Variants in PCDHGA1 observed in about 807,000 individuals in gnomAD.
The protein encoded by PCDHGA1 is protocadherin gamma-A1.
A neutral mutation model predicts 58.0 loss-of-function variants in PCDHGA1; 32 were observed. The observed-to-expected ratio is 0.55, with a 90% confidence interval of 0.42 to 0.74. The LOEUF is 0.74. Among genes scored for constraint, PCDHGA1 ranks in the 30% least tolerant of loss-of-function variants. The probability of loss-of-function intolerance (pLI) is 0.00; values close to 1 mark genes in which losing one functional copy is unlikely to be tolerated. For missense variants in PCDHGA1, 1,205 were observed against 1,182.3 expected (o/e 1.02, Z -0.28); for synonymous variants, 498 against 501.1 (o/e 0.99, Z 0.08).
intron 1 of PCDHGA1, chr5:141,383,043 C>G: frequency 9.3e-6 from 15 of 1,613,860 alleles, no homozygotes; most frequent in Non-Finnish European, 1.3e-5. Context: ...TGGGAGACAT[C>G]GCCAAGGACC....
At chr5:141,365,777 G>T (rs543335678) in intron 1 of PCDHGA1, 1 of 1,613,854 alleles carries the variant, frequency 6.2e-7, no homozygotes, top group South Asian at 1.1e-5. Context: ...CGACAGCGGC[G>T]ACAACGCTCG....
intron 1 of PCDHGA1, among the ~76,000 whole-genome samples, chr5:141,459,546 C>T (rs575349914): frequency 9.9e-5 from 15 of 152,102 alleles, no homozygotes; most frequent in African/African-American, 3.6e-4. Flanking sequence ...TTTTTTATTT[C>T]TCTTGGATAA....
chr5:141,421,901 G>C (rs754277661), intron 1 of PCDHGA1: 1 of 1,613,724 alleles, frequency 6.2e-7, no homozygotes, highest in East Asian at 2.2e-5. Flanking sequence ...ATCCGAAAGG[G>C]CGCAGTTCCC....
intron 1 of PCDHGA1, chr5:141,408,124 G>A: frequency 1.4e-6 from 2 of 1,478,862 alleles, no homozygotes; most frequent in Non-Finnish European, 1.8e-6. Context: ...CCTGTCCTGG[G>A]CCGAATGCTC....
chr5:141,491,937 AC>A lies in PCDHGA1; in HGVS notation c.2422-2865del. ...CTGTGGGCGAGGGGAGGTGGGACCG[AC>A]CCCCACCCCTACACTCAAAAAAGGC... On this transcript the variant is annotated intron_variant, in intron 1 of 3. Transcript: ENST00000517417. This position sits in a 1 kb window ranked among gnomAD's most constrained non-coding sequence, Gnocchi z 6.9. The A allele has an allele frequency of 3.4e-6, 4 of 1,164,304 alleles. No homozygotes were observed. Among genetic ancestry groups the A allele is most frequent in the Non-Finnish European group, 4.7e-6 (4 of 858,404 alleles). The allele number at this position is 1,164,304 out of a possible 1,614,324, so 72.1% of individuals were successfully genotyped here.
intron 1 of PCDHGA1, chr5:141,357,697 T>C (rs1433075291): frequency 2.0e-6 from 3 of 1,523,702 alleles, no homozygotes; most frequent in East Asian, 2.3e-5. Context: ...TCATTTTATA[T>C]GTAATATATC....
At chr5:141,394,250 C>T (rs749533197) in intron 1 of PCDHGA1, 15 of 1,613,784 alleles carry the variant, frequency 9.3e-6, no homozygotes, top group Non-Finnish European at 1.0e-5. Flanking sequence ...CACACGACCC[C>T]GACAGCCAGG....
At chr5:141,470,825 C>G (rs557419577) in intron 1 of PCDHGA1, among the ~76,000 whole-genome samples, 24 of 152,182 alleles carry the variant, frequency 1.6e-4, no homozygotes, top group African/African-American at 4.1e-4. Context: ...GTAGTTAGGA[C>G]GACAAACACA....
chr5:141,364,087 G>A lies in PCDHGA1; in HGVS notation c.2421+30982G>A, dbSNP rs927975362. ...ACTAAACTTAGGAGAAATAAAAATGGAATTTGATGCAGTCACTGGTTAGGA... is the reference window on the plus strand; with the variant it reads ...ACTAAACTTAGGAGAAATAAAAATGAAATTTGATGCAGTCACTGGTTAGGA... On this transcript the variant is annotated intron_variant, in intron 1 of 3. Transcript: ENST00000517417. The A allele has an allele frequency of 1.3e-5, 5 of 387,758 alleles. No individual in the cohort carries two copies. The East Asian group carries it at 1.5e-4, about 12-fold the overall frequency. The allele number at this position is 387,758 out of a possible 1,614,324, so 24.0% of individuals were successfully genotyped here. A position where few individuals can be genotyped will look rare whatever the true frequency, so the allele number is the denominator to read the frequency against.
intron 1 of PCDHGA1, among the ~76,000 whole-genome samples, chr5:141,369,915 A>G (rs1429162797): frequency 6.6e-6 from 1 of 152,226 alleles, no homozygotes; most frequent in African/African-American, 2.4e-5. Flanking sequence ...TGAAAATGGA[A>G]ACTAAAAACG....
chr5:141,332,046 G>A lies in PCDHGA1; in HGVS notation c.1362G>A (p.Gln454=), dbSNP rs1756386451. 1 of 1,613,958 alleles carries A rather than the reference G, an allele frequency of 6.2e-7. No individual in the cohort carries two copies. The highest frequency in any genetic ancestry group is 1.7e-5 in the Admixed American group (1 of 59,996). The change falls in exon 1 of 4, where the codon CAG becomes CAA. Residue 454 remains glutamine, a synonymous_variant. Transcript: ENST00000517417. The surrounding 1 kb of genome is among the most constrained non-coding windows in gnomAD (Gnocchi z 4.6). ...ATGACAACTCCCCAGTCTTCCATCA[G>A]GACTCCTACTCTGCCTACATTCCCG... ...DINDNSPVFH[Q]DSYSAYIPEN...
Position 141,477,068 on chromosome 5 carries a change from C to G in PCDHGA1, c.2422-17739C>G. The G allele has an allele frequency of 6.2e-7, 1 of 1,614,268 alleles. No individual in the cohort carries two copies. Among genetic ancestry groups the G allele is most frequent in the Non-Finnish European group, 8.5e-7 (1 of 1,180,046 alleles). On this transcript the variant is annotated intron_variant, in intron 1 of 3. Coordinates refer to ENST00000517417, the MANE Select transcript of PCDHGA1 (RefSeq NM_018912.3). This position sits in a 1 kb window ranked among gnomAD's most constrained non-coding sequence, Gnocchi z 4.9. ...GCTGGACTTCGAGGACACCAAACTC[C>G]ATGAGATTTACATCCAGGCCAAAGA...
chr5:141,356,912 G>A, intron 1 of PCDHGA1: 1 of 1,614,130 alleles, frequency 6.2e-7, no homozygotes, highest in Non-Finnish European at 8.5e-7. Flanking sequence ...CCTACTGATG[G>A]CTCCACTGGT....
Position 141,332,919 on chromosome 5 carries a change from G to C in PCDHGA1, c.2235G>C (p.Gly745=). The change falls in exon 1 of 4, where the codon GGG becomes GGC. Residue 745 remains glycine (G), a synonymous_variant. Transcript: ENST00000517417. This position sits in a 1 kb window ranked among gnomAD's most constrained non-coding sequence, Gnocchi z 4.6. ...GTTCGCACTTTGTGGGCGTGGACGG[G>C]GTTCGGGCTTTCCTGCAGACCTATT... ...MPGSHFVGVD[G]VRAFLQTYSH... 6.2e-7 allele frequency: 1 copy of C among 1,614,218 alleles called. No individual in the cohort carries two copies. The highest frequency in any genetic ancestry group is 8.5e-7 in the Non-Finnish European group (1 of 1,180,032).
chr5:141,399,202 G>T, intron 1 of PCDHGA1: 1 of 1,613,914 alleles, frequency 6.2e-7, no homozygotes, highest in Non-Finnish European at 8.5e-7. Context: ...CGCGGTGCCT[G>T]GAACACTAAT....
chr5:141,371,060 A>ATC (rs751376669), intron 1 of PCDHGA1: 2 of 1,613,980 alleles, frequency 1.2e-6, no homozygotes, highest in South Asian at 2.2e-5. Context: ...AGCCCTCCAG[A>ATC]AGCTGTACCA....
chr5:141,474,500 C>G (rs183956979), intron 1 of PCDHGA1, among the ~76,000 whole-genome samples: 31 of 152,324 alleles, frequency 2.0e-4, no homozygotes, highest in African/African-American at 6.3e-4. Context: ...CTTCTAATGC[C>G]TATCAGCCCT....
At chr5:141,422,566 A>G (rs2096656660) in intron 1 of PCDHGA1, 1 of 1,614,020 alleles carries the variant, frequency 6.2e-7, no homozygotes, top group Non-Finnish European at 8.5e-7. Flanking sequence ...GGCAGATGAC[A>G]ACGATAACCC....
At chr5:141,343,031 A>G (rs1030573145) in intron 1 of PCDHGA1, 1 of 152,920 alleles carries the variant, frequency 6.5e-6, no homozygotes, top group Admixed American at 6.5e-5. Context: ...GTTTGCTAAC[A>G]TTAAAGGCCC....
Sources: allele counts gnomAD v4.1 joint callset (sites outside exome capture counted in the v4.1 genomes callset), GRCh38; gene constraint gnomAD v4.1.1; non-coding constraint Gnocchi (gnomAD v3.1); transcripts MANE v1.5; gene names NCBI Gene and HGNC (gene_info 2026-07-23, HGNC 2026-07-21).